IFT172: variants seen among roughly 807,000 people sequenced by gnomAD.
IFT172 encodes the protein intraflagellar transport protein 172 homolog.
Under a neutral mutation model 248.9 loss-of-function variants are expected in IFT172, and 164 were observed. The observed-to-expected ratio is 0.66, with a 90% CI of 0.58 to 0.75. The LOEUF (loss-of-function observed/expected upper bound fraction) is 0.75. IFT172 is among the 30% of genes least tolerant of loss of function. The pLI is 0.00. For missense variants in IFT172, 1,950 were observed against 2,192.4 expected (o/e 0.89, Z 2.21); for synonymous variants, 729 against 791.6 (o/e 0.92, Z 1.33).
At chr2:27,473,811 A>AT (rs1473788629) in intron 14 of IFT172, among the ~76,000 whole-genome samples, 1 of 151,432 alleles carries the variant, frequency 6.6e-6, no homozygotes. Flanking sequence ...TTTTATTTTT[A>AT]TTTTTTTTCC....
Position 27,459,484 on chromosome 2 carries a change from C to T in IFT172, c.2681G>A (p.Arg894His), listed in dbSNP as rs561927411. 33 of 1,614,062 alleles carry T rather than the reference C, an allele frequency of 2.0e-5. No homozygotes were observed. Among genetic ancestry groups the T allele is most frequent in the African/African-American group, 8.0e-5 (6 of 74,916 alleles). Residue 894 changes from arginine (R) to histidine (H), a missense_variant, in exon 25 of 48, where the codon CGC (arginine) becomes CAC (histidine). Coordinates refer to ENST00000260570, the MANE Select transcript of IFT172 (RefSeq NM_015662.3). Reference protein sequence around the residue: ...IKAIEAALGARQWKKAIYILD... With the variant: ...IKAIEAALGAHQWKKAIYILD... ...TATATAAATTGCCTTCTTCCACTGG[C>T]GGGCACCCAGGGCGGCCTCAATTGC...
intron 23 of IFT172, among the ~76,000 whole-genome samples, chr2:27,460,072 T>A (rs1189242580): frequency 1.3e-5 from 2 of 151,632 alleles, no homozygotes; most frequent in African/African-American, 4.9e-5. Context: ...CTAAGAAAAA[T>A]TCTTCTGCCT....
chr2:27,449,438 G>A lies in IFT172; in HGVS notation c.4225-58C>T, dbSNP rs184448306. On this transcript the variant is annotated intron_variant, in intron 38 of 47. Coordinates refer to ENST00000260570, the MANE Select transcript of IFT172 (RefSeq NM_015662.3). The stretch of plus-strand genomic sequence containing the variant: ...AAGAGATGACATGAGGGAAAGAAGA[G>A]GGAGAGAGTCTTGTGAGTCTCTCCC... The A allele has an allele frequency of 2.2e-4, 354 of 1,613,412 alleles. 2 individuals carry two copies. In the African/African-American group the frequency reaches 3.1e-3, roughly 14 times the overall value.
Position 27,459,377 on chromosome 2 carries a change from C to T in IFT172, c.2787+1G>A. On this transcript the variant is annotated splice_donor_variant, in intron 25 of 47. Transcript: ENST00000260570. LOFTEE classifies it high-confidence loss of function. ...TGCTGCGGAAAGGGACTCTTCCTCA[C>T]CTCATACTCCTGCAGGGATGCATAG... The T allele has an allele frequency of 1.2e-6, 2 of 1,614,130 alleles. No individual in the cohort carries two copies. The highest frequency in any genetic ancestry group is 2.2e-5 in the South Asian group (2 of 91,074).
chr2:27,479,343 G>C (rs577373746), intron 10 of IFT172, among the ~76,000 whole-genome samples, 166 bp downstream of exon 10: 1 of 152,192 alleles, frequency 6.6e-6, no homozygotes, highest in African/African-American at 2.4e-5. Context: ...ACTACAGCAG[G>C]AAAGTTACCA....
chr2:27,444,963 T>C, intron 47 of IFT172, 51 bp downstream of exon 47: 1 of 1,583,434 alleles, frequency 6.3e-7, no homozygotes, highest in Non-Finnish European at 8.6e-7. Context: ...TTTTTTTTCT[T>C]TTTTTAGTGC....
At chr2:27,476,347 T>C (rs996461801) in intron 14 of IFT172, among the ~76,000 whole-genome samples, 1 of 152,178 alleles carries the variant, frequency 6.6e-6, no homozygotes, top group African/African-American at 2.4e-5. Context: ...CATAGCTCAC[T>C]GCAGCCTTGG....
Position 27,481,201 on chromosome 2 carries a change from G to A in IFT172, c.630C>T (p.Ile210=), listed in dbSNP as rs544904721. 4.5e-5 allele frequency: 73 copies of A among 1,612,794 alleles called. 1 individual carries two copies. The South Asian group carries it at 7.8e-4, about 17-fold the overall frequency. ...TTTTCCGATCACAGCCTGCAGCCAC[G>A]ATGCTATTGGTTGCCCATGCCAAGG... ...PYALAWATNS[I]VAAGCDRKIV... Residue 210 remains isoleucine (I), a synonymous_variant, in exon 8 of 48, where the codon ATC becomes ATT. Coordinates refer to ENST00000260570, the MANE Select transcript of IFT172 (RefSeq NM_015662.3).
At position 27,454,719 on chromosome 2, in the gene IFT172, C is replaced by T. The variant is rs750280247; in HGVS notation, c.3372-59G>A. 1 of 1,409,542 alleles carries T rather than the reference C, an allele frequency of 7.1e-7. No homozygotes were observed. Among genetic ancestry groups the T allele is most frequent in the South Asian group, 1.2e-5 (1 of 85,168 alleles). The allele number at this position is 1,409,542 out of a possible 1,614,324, so 87.3% of individuals were successfully genotyped here. A position where few individuals can be genotyped will look rare whatever the true frequency, so the allele number is the denominator to read the frequency against. On this transcript the variant is annotated intron_variant, in intron 30 of 47. Transcript: ENST00000260570. The surrounding 1 kb of genome is among the most constrained non-coding windows in gnomAD (Gnocchi z 4.2). The stretch of plus-strand genomic sequence containing the variant: ...TTCATGCTTCCCTTCATAAAAGGAA[C>T]AAGACAAAACAGAGAAAGGACAGAG...
chr2:27,474,404 GA>G (rs1012380227), intron 14 of IFT172, among the ~76,000 whole-genome samples: 1 of 152,008 alleles, frequency 6.6e-6, no homozygotes, highest in African/African-American at 2.4e-5. Flanking sequence ...TAAACATATG[GA>G]AAAAAATAAA....
chr2:27,457,736 C>T lies in IFT172; in HGVS notation c.3131G>A (p.Arg1044Gln), dbSNP rs755990223. Residue 1044 changes from arginine to glutamine, a missense_variant, in exon 29 of 48, where the codon CGA (arginine) becomes CAA (glutamine). This residue lies in a region of IFT172 where 164 missense variants were observed against 239.3 expected (regional missense o/e 0.69). Transcript: ENST00000260570. ...GTAGTGGTACTCAGCCTCCTGTAGT[C>T]GGCCTTCAGCCTCCAGCTCCTGCAG... Reference protein sequence around the residue: ...HLGKELEAEGRLQEAEYHYLE... With the variant: ...HLGKELEAEGQLQEAEYHYLE... 28 of 1,613,976 alleles carry T rather than the reference C, an allele frequency of 1.7e-5. No homozygotes were observed. The highest frequency in any genetic ancestry group is 1.2e-4 in the South Asian group (11 of 91,086).
At chr2:27,476,903 G>C in intron 13 of IFT172, 177 bp from the exon 14 acceptor site, 1 of 598,516 alleles carries the variant, frequency 1.7e-6, no homozygotes, top group Non-Finnish European at 3.0e-6. Context: ...GCTCACTACA[G>C]CTTTGACTTC....
At chr2:27,488,199 G>A (rs1668900360) in intron 1 of IFT172, among the ~76,000 whole-genome samples, 1 of 151,954 alleles carries the variant, frequency 6.6e-6, no homozygotes, top group African/African-American at 2.4e-5. Context: ...TGTCCCCCAG[G>A]CTGGAGTGCA....
At chr2:27,463,304 G>T in intron 18 of IFT172, 123 bp from the exon 19 acceptor site, 1 of 798,104 alleles carries the variant, frequency 1.3e-6, no homozygotes, top group Non-Finnish European at 2.0e-6. Flanking sequence ...TGTCACTGGA[G>T]ACATATAGAG....
intron 40 of IFT172, 125 bp downstream of exon 40, chr2:27,448,790 G>C: frequency 1.4e-6 from 1 of 691,666 alleles, no homozygotes; most frequent in Admixed American, 2.1e-5. Context: ...ATGCGTGGGG[G>C]GCTCTGGGCA....
Position 27,454,417 on chromosome 2 carries a change from C to T in IFT172, c.3467G>A (p.Gly1156Asp). 1 of 1,614,120 alleles carries T rather than the reference C, an allele frequency of 6.2e-7. No individual in the cohort carries two copies. The highest frequency in any genetic ancestry group is 1.3e-5 in the African/African-American group (1 of 75,020). ...LKYAMFLEDE[G>D]KFEEAEAEFI... Reference sequence around the variant, plus strand: ...TTCAGCTTCAGCCTCTTCGAATTTACCCTACAGGGAGAGAAAGGCAGCCGT... The same window carrying T: ...TTCAGCTTCAGCCTCTTCGAATTTATCCTACAGGGAGAGAAAGGCAGCCGT... Residue 1156 changes from glycine to aspartate, a missense_variant and splice_region_variant, in exon 32 of 48, where the codon GGT becomes GAT. Physicochemically the swap from Gly to Asp is moderately conservative, Grantham distance 94. This residue lies in a region of IFT172 where 164 missense variants were observed against 239.3 expected (regional missense o/e 0.69). Coordinates refer to ENST00000260570, the MANE Select transcript of IFT172 (RefSeq NM_015662.3). The surrounding 1 kb of genome is among the most constrained non-coding windows in gnomAD (Gnocchi z 4.2).
At position 27,465,534 on chromosome 2, in the gene IFT172, A is replaced by T; in HGVS notation, c.1830-16T>A. The T allele has an allele frequency of 6.2e-7, 1 of 1,611,454 alleles. No homozygotes were observed. Among genetic ancestry groups the T allele is most frequent in the Non-Finnish European group, 8.5e-7 (1 of 1,177,556 alleles). On this transcript the variant is annotated splice_polypyrimidine_tract_variant and intron_variant, in intron 17 of 47. Transcript: ENST00000260570. ...GGCTGTTGCCCTGGAAAGGGAAGGAAGCAAAGCATAATGAATGAGGAATGG... is the reference window on the plus strand; with the variant it reads ...GGCTGTTGCCCTGGAAAGGGAAGGATGCAAAGCATAATGAATGAGGAATGG...
chr2:27,471,135 T>C, intron 15 of IFT172, 40 bp from the exon 16 acceptor site: 1 of 1,593,860 alleles, frequency 6.3e-7, no homozygotes, highest in East Asian at 2.2e-5. Context: ...TACAAGGGGA[T>C]GTGGGGTTGT....
chr2:27,481,987 C>CTT (rs139411064), intron 7 of IFT172, among the ~76,000 whole-genome samples: 6 of 141,018 alleles, frequency 4.3e-5, no homozygotes, highest in Admixed American at 7.1e-5. Context: ...AATAATTCTT[C>CTT]TTTTTTTTTT....
Sources: allele counts gnomAD v4.1 joint callset (sites outside exome capture counted in the v4.1 genomes callset), GRCh38; gene constraint gnomAD v4.1.1; regional missense constraint gnomAD v4.1.1; non-coding constraint Gnocchi (gnomAD v3.1); transcripts MANE v1.5; gene names NCBI Gene and HGNC (gene_info 2026-07-23, HGNC 2026-07-21).